Variants in LIMA1 observed in about 807,000 individuals in gnomAD.
LIMA1 encodes the protein LIM domain and actin binding 1.
LIMA1 carries 52 observed loss-of-function variants against 62.6 expected under a neutral mutation model. The observed-to-expected ratio is 0.83, with a 90% CI of 0.67 to 1.05. LIMA1 has a LOEUF of 1.05. LIMA1 is among the 50% of genes least tolerant of loss of function. LIMA1 has a pLI of 0.00. For synonymous variants in LIMA1, 302 were observed against 317.8 expected (o/e 0.95, Z 0.53); for missense variants, 780 against 902.2 (o/e 0.86, Z 1.74).
intron 9 of LIMA1, among the ~76,000 whole-genome samples, chr12:50,191,180 T>C (rs1261071946): frequency 6.6e-6 from 1 of 151,642 alleles, no homozygotes; most frequent in Admixed American, 6.6e-5. Flanking sequence ...GCCATTATCT[T>C]TAAGGTGAAA....
chr12:50,207,356 T>A (rs185281514), intron 4 of LIMA1, among the ~76,000 whole-genome samples: 8 of 152,298 alleles, frequency 5.3e-5, no homozygotes, highest in African/African-American at 1.9e-4. Flanking sequence ...CAAAGAATAT[T>A]CCCAGACATA....
intron 9 of LIMA1, among the ~76,000 whole-genome samples, chr12:50,191,977 A>C (rs537688559): frequency 6.6e-6 from 1 of 150,730 alleles, no homozygotes; most frequent in East Asian, 1.9e-4. Flanking sequence ...ACCAAAAAAT[A>C]CAAAAAAATT....
At chr12:50,274,280 TATA>T (rs1276547611) in intron 1 of LIMA1, among the ~76,000 whole-genome samples, 1 of 152,178 alleles carries the variant, frequency 6.6e-6, no homozygotes, top group Non-Finnish European at 1.5e-5. Flanking sequence ...GTGCTGAAGA[TATA>T]ATGTTAAAAA....
chr12:50,242,944 T>C (rs1223872835), intron 2 of LIMA1, among the ~76,000 whole-genome samples: 1 of 152,214 alleles, frequency 6.6e-6, no homozygotes, highest in Admixed American at 6.5e-5. Flanking sequence ...CCAGGCTAGA[T>C]TCTCTTTAAT....
At chr12:50,198,649 A>G (rs1390469102) in intron 7 of LIMA1, among the ~76,000 whole-genome samples, 4 of 152,240 alleles carry the variant, frequency 2.6e-5, no homozygotes, top group Non-Finnish European at 1.5e-5. Flanking sequence ...GAATGGCGTC[A>G]AGGGTGTCAA....
chr12:50,255,639 GA>G (rs926542779), intron 1 of LIMA1, among the ~76,000 whole-genome samples: 13 of 149,020 alleles, frequency 8.7e-5, no homozygotes, highest in African/African-American at 3.0e-4. Flanking sequence ...TTATTTTTAA[GA>G]AATAGATTGT....
At chr12:50,198,956 T>C (rs1419459565) in intron 7 of LIMA1, among the ~76,000 whole-genome samples, 1 of 152,166 alleles carries the variant, frequency 6.6e-6, no homozygotes, top group Non-Finnish European at 1.5e-5. Flanking sequence ...AAGGGTGACA[T>C]AAAGATTTAC....
chr12:50,195,573 G>C (rs1237556829), intron 8 of LIMA1: 2 of 339,528 alleles, frequency 5.9e-6, no homozygotes, highest in African/African-American at 2.1e-5. Context: ...GAAAGGGTTT[G>C]GTGCAAAAAG....
intron 4 of LIMA1, among the ~76,000 whole-genome samples, chr12:50,212,568 T>C (rs1941276810): frequency 6.6e-6 from 1 of 151,998 alleles, no homozygotes; most frequent in Non-Finnish European, 1.5e-5. Context: ...TCCCAAGCAT[T>C]CTACAAATAC....
At chr12:50,245,412 C>CAAA (rs1298537875) in intron 2 of LIMA1, among the ~76,000 whole-genome samples, 27 of 83,766 alleles carry the variant, frequency 3.2e-4, no homozygotes, top group African/African-American at 1.1e-3. Context: ...GACCCTGTCT[C>CAAA]AAAAAAAAAA....
At chr12:50,246,882 C>T (rs1471177961) in intron 2 of LIMA1, among the ~76,000 whole-genome samples, 2 of 152,216 alleles carry the variant, frequency 1.3e-5, no homozygotes, top group Non-Finnish European at 2.9e-5. Context: ...GCTTCTTAAA[C>T]TTCCCTGAAG....
intron 3 of LIMA1, among the ~76,000 whole-genome samples, chr12:50,226,903 C>T (rs1269359824): frequency 8.0e-6 from 1 of 124,478 alleles, no homozygotes; most frequent in Non-Finnish European, 1.6e-5. Context: ...TTTAGTAATT[C>T]TTTTTCTTTT....
chr12:50,220,767 G>A (rs1287245245), intron 4 of LIMA1, among the ~76,000 whole-genome samples: 2 of 152,060 alleles, frequency 1.3e-5, no homozygotes, highest in African/African-American at 4.8e-5. Context: ...GGGAAAGAAG[G>A]AGTTGGCAGG....
Position 50,177,341 on chromosome 12 carries a change from T to G in LIMA1, c.2003A>C (p.Glu668Ala). 6.2e-7 allele frequency: 1 copy of G among 1,614,192 alleles called. No individual in the cohort carries two copies. Among genetic ancestry groups the G allele is most frequent in the Non-Finnish European group, 8.5e-7 (1 of 1,180,036 alleles). Residue 668 changes from glutamate to alanine, a missense_variant, in exon 11 of 11, where the codon GAA becomes GCA. Glu to Ala is a moderately radical substitution (Grantham distance 107, BLOSUM62 -1). Coordinates refer to ENST00000341247, the MANE Select transcript of LIMA1 (RefSeq NM_016357.5). ...SKGETGKRSK[E>A]GHSLEMENEN... ...ATTCTCCATCTCCAAACTATGACCT[T>G]CCTTACTTCTCTTCCCTGTCTCTCC...
At chr12:50,267,215 A>G (rs947582888) in intron 1 of LIMA1, among the ~76,000 whole-genome samples, 7 of 151,902 alleles carry the variant, frequency 4.6e-5, no homozygotes, top group Non-Finnish European at 1.0e-4. Flanking sequence ...GACTACAGGC[A>G]TCCCCCACAA....
intron 2 of LIMA1, among the ~76,000 whole-genome samples, chr12:50,238,009 A>G (rs1184130302): frequency 6.6e-6 from 1 of 152,170 alleles, no homozygotes; most frequent in East Asian, 1.9e-4. Context: ...GTCTCATGAC[A>G]CTGGATTTGG....
At chr12:50,196,084 A>G in intron 7 of LIMA1, 197 bp from the exon 8 acceptor site, 1 of 514,558 alleles carries the variant, frequency 1.9e-6, no homozygotes. Flanking sequence ...GGATATTAAC[A>G]TGCCTCTCAA....
intron 2 of LIMA1, among the ~76,000 whole-genome samples, chr12:50,241,596 A>G (rs1433234090): frequency 6.6e-6 from 1 of 152,148 alleles, no homozygotes; most frequent in African/African-American, 2.4e-5. Context: ...TCAAACCCCT[A>G]CTCAAATATC....
intron 8 of LIMA1, among the ~76,000 whole-genome samples, chr12:50,194,884 CT>C: frequency 6.6e-6 from 1 of 152,076 alleles, no homozygotes; most frequent in African/African-American, 2.4e-5. Context: ...CCTGTCTCTA[CT>C]AAAATACAAA....
Sources: gnomAD v4.1 joint callset for allele counts (sites outside exome capture counted in the v4.1 genomes callset) on GRCh38, gnomAD v4.1.1 for gene constraint, MANE v1.5 for transcripts, NCBI Gene and HGNC (gene_info 2026-07-23, HGNC 2026-07-21) for gene names.